The following EPHA5 variants were observed in gnomAD, a reference collection of about 807,000 sequenced individuals.
EPHA5 encodes ephrin type-A receptor 5.
Under a neutral mutation model 105.0 loss-of-function variants are expected in EPHA5, and 60 were observed. The ratio of observed to expected loss-of-function variants is 0.57; its 90% CI spans 0.46 to 0.71. EPHA5 has a LOEUF of 0.71. Among genes scored for constraint, EPHA5 ranks in the 30% least tolerant of loss-of-function variants. The probability of loss-of-function intolerance (pLI) is 0.00; values close to 1 mark genes in which losing one functional copy is unlikely to be tolerated. For synonymous variants in EPHA5, 513 were observed against 449.1 expected (o/e 1.14, Z -1.80); for missense variants, 1,218 against 1,274.7 (o/e 0.96, Z 0.68).
At chr4:65,536,907 GATTTGTAGA>G (rs1322542303) in intron 3 of EPHA5, among the ~76,000 whole-genome samples, 2 of 151,888 alleles carry the variant, frequency 1.3e-5, no homozygotes, top group East Asian at 3.9e-4. Flanking sequence ...TTGTATTCTT[GATTTGTAGA>G]ATTTGTGTGT....
chr4:65,463,844 G>A (rs1224780621), intron 5 of EPHA5, among the ~76,000 whole-genome samples: 2 of 151,982 alleles, frequency 1.3e-5, no homozygotes, highest in Admixed American at 1.3e-4. Context: ...GAGATCCTGA[G>A]ATAGGGAAAT....
At chr4:65,474,190 A>T (rs1560578631) in intron 5 of EPHA5, among the ~76,000 whole-genome samples, 1 of 152,140 alleles carries the variant, frequency 6.6e-6, no homozygotes, top group East Asian at 1.9e-4. Context: ...AAAGAAATGA[A>T]TTCTTTTTAA....
chr4:65,362,745 T>C (rs1263553995), intron 11 of EPHA5, among the ~76,000 whole-genome samples: 2 of 151,680 alleles, frequency 1.3e-5, no homozygotes, highest in African/African-American at 4.8e-5. Context: ...AGAAGTTGTC[T>C]TAAGTTATCT....
At chr4:65,391,013 G>T (rs1210038804) in intron 8 of EPHA5, among the ~76,000 whole-genome samples, 3 of 151,972 alleles carry the variant, frequency 2.0e-5, no homozygotes, top group African/African-American at 7.2e-5. Context: ...CATTGTGGAG[G>T]GGGAAGCAAG....
In EPHA5 at chr4:65,341,959, T is replaced by C. The variant is rs1721768367; in HGVS notation, c.2596-5834A>G. Among the ~76,000 whole-genome samples, 7 of 152,164 alleles carry C rather than the reference T, an allele frequency of 4.6e-5. No individual in the cohort carries two copies. In the South Asian group the frequency reaches 1.4e-3, roughly 31 times the overall value. ...ATATATCAGTTTTATTCTAAGATTC[T>C]AAGATATATCCGTTTTTATTCTAAG... is the stretch of plus-strand genomic sequence containing the variant. On this transcript the variant is annotated intron_variant, in intron 14 of 16. Transcript: ENST00000613740.
At chr4:65,391,485 AT>A (rs1204490462) in intron 8 of EPHA5, among the ~76,000 whole-genome samples, 1 of 152,088 alleles carries the variant, frequency 6.6e-6, no homozygotes, top group Admixed American at 6.6e-5. Context: ...ACTTTGATTC[AT>A]TTTTCAACAA....
chr4:65,415,279 G>A (rs994250351), intron 6 of EPHA5, among the ~76,000 whole-genome samples: 3 of 152,052 alleles, frequency 2.0e-5, no homozygotes, highest in Non-Finnish European at 4.4e-5. Context: ...TTCCTTATCA[G>A]TAAAACTGGG....
At chr4:65,610,556 A>G (rs1288840798) in intron 2 of EPHA5, among the ~76,000 whole-genome samples, 1 of 152,176 alleles carries the variant, frequency 6.6e-6, no homozygotes, top group Non-Finnish European at 1.5e-5. Flanking sequence ...TAATTAATTA[A>G]TTAAACAAAT....
intron 8 of EPHA5, among the ~76,000 whole-genome samples, chr4:65,385,331 AC>A (rs1262211230): frequency 6.6e-6 from 1 of 151,882 alleles, no homozygotes; most frequent in Non-Finnish European, 1.5e-5. Flanking sequence ...TCAGCATGAA[AC>A]TTTTAAGGTG....
chr4:65,661,570 G>A (rs1749563044), intron 1 of EPHA5, among the ~76,000 whole-genome samples: 1 of 152,136 alleles, frequency 6.6e-6, no homozygotes, highest in Non-Finnish European at 1.5e-5. Context: ...AAACTCTTAA[G>A]TGAGATGACA....
At chr4:65,381,574 A>G (rs1719567290) in intron 8 of EPHA5, among the ~76,000 whole-genome samples, 1 of 151,860 alleles carries the variant, frequency 6.6e-6, no homozygotes, top group Non-Finnish European at 1.5e-5. Context: ...TATTAACCAA[A>G]TAACACTGAA....
At chr4:65,544,043 C>T (rs748739977) in intron 3 of EPHA5, among the ~76,000 whole-genome samples, 4 of 151,878 alleles carry the variant, frequency 2.6e-5, no homozygotes, top group Admixed American at 6.6e-5. Flanking sequence ...GAAACTGGAC[C>T]CCTTCTTTAC....
intron 2 of EPHA5, among the ~76,000 whole-genome samples, chr4:65,636,374 G>T (rs371984363): frequency 6.6e-6 from 1 of 152,062 alleles, no homozygotes; most frequent in Admixed American, 6.6e-5. Flanking sequence ...CCAGAACCTG[G>T]TCGTTACTCT....
At chr4:65,385,881 A>T (rs962673240) in intron 8 of EPHA5, among the ~76,000 whole-genome samples, 1 of 151,904 alleles carries the variant, frequency 6.6e-6, no homozygotes, top group Non-Finnish European at 1.5e-5. Flanking sequence ...GATAAAAATC[A>T]GACAGATTAA....
chr4:65,606,382 C>T (rs1744230858), intron 2 of EPHA5, among the ~76,000 whole-genome samples: 1 of 152,072 alleles, frequency 6.6e-6, no homozygotes, highest in Non-Finnish European at 1.5e-5. Context: ...ATAATTCAAA[C>T]ATATTGAATA....
chr4:65,331,202 A>C (rs2148795615), intron 16 of EPHA5: 1 of 1,030,074 alleles, frequency 9.7e-7, no homozygotes, highest in African/African-American at 1.7e-5. Context: ...CATTAATGTT[A>C]ATGTAATCTA....
intron 3 of EPHA5, among the ~76,000 whole-genome samples, chr4:65,599,844 T>C (rs4627918): frequency 0.49 from 74,832 of 152,018 alleles, 20,135 homozygotes; most frequent in Middle Eastern, 0.65. Context: ...TAAGACTGCA[T>C]TGCATTCTGT....
intron 5 of EPHA5, among the ~76,000 whole-genome samples, chr4:65,460,402 C>A (rs1316911358): frequency 6.6e-6 from 1 of 150,730 alleles, no homozygotes; most frequent in African/African-American, 2.4e-5. Context: ...TTCCTTATGT[C>A]TCAGATTTTT....
chr4:65,620,341 T>C lies in EPHA5; in HGVS notation c.247-18037A>G, dbSNP rs144936750. Reference sequence around the variant, plus strand: ...TTCAGAATCCTGGCTCTTGACTTCTTGCGATGCACACTGTTTCTATTTGAT... The same window carrying C: ...TTCAGAATCCTGGCTCTTGACTTCTCGCGATGCACACTGTTTCTATTTGAT... On this transcript the variant is annotated intron_variant, in intron 2 of 16. Transcript: ENST00000613740. 1.8e-4 allele frequency among the ~76,000 whole-genome samples: 28 copies of C among 152,134 alleles called. No homozygotes were observed. The East Asian group carries it at 4.6e-3, about 25-fold the overall frequency.
Sources: gnomAD v4.1 joint callset for allele counts (sites outside exome capture counted in the v4.1 genomes callset) on GRCh38, gnomAD v4.1.1 for gene constraint, MANE v1.5 for transcripts, NCBI Gene and HGNC (gene_info 2026-07-23, HGNC 2026-07-21) for gene names.